Variants in GALNT10 observed in about 807,000 individuals in gnomAD.
GALNT10 encodes the protein polypeptide N-acetylgalactosaminyltransferase 10, also known as GalNAc transferase 10.
GALNT10 carries 41 observed loss-of-function variants against 75.0 expected under a neutral mutation model. The ratio of observed to expected loss-of-function variants is 0.55; its 90% CI spans 0.43 to 0.71. The LOEUF is 0.71. Ranked by LOEUF, GALNT10 falls within the 30% of genes least tolerant of loss-of-function variation. The pLI is 0.00. For synonymous variants in GALNT10, 302 were observed against 313.0 expected (o/e 0.96, Z 0.37); for missense variants, 727 against 818.5 (o/e 0.89, Z 1.36).
At chr5:154,393,106 AC>A in intron 7 of GALNT10, 1 of 147,104 alleles carries the variant, frequency 6.8e-6, no homozygotes, top group Middle Eastern at 3.7e-3. Flanking sequence ...AGGATCTCAC[AC>A]CGTTGCCCAG....
intron 6 of GALNT10, among the ~76,000 whole-genome samples, chr5:154,383,649 G>A (rs900101057): frequency 3.9e-5 from 6 of 152,084 alleles, no homozygotes; most frequent in East Asian, 1.9e-4. Context: ...TGCTTTGACC[G>A]AGGCTGATTT....
chr5:154,343,051 C>T (rs928600027), intron 4 of GALNT10, among the ~76,000 whole-genome samples: 8 of 151,738 alleles, frequency 5.3e-5, no homozygotes, highest in Non-Finnish European at 1.2e-4. Context: ...CAGAGGTTCT[C>T]AAATTTTGGT....
chr5:154,394,470 G>GTGA (rs1755976214), intron 7 of GALNT10, among the ~76,000 whole-genome samples: 1 of 152,120 alleles, frequency 6.6e-6, no homozygotes, highest in Admixed American at 6.5e-5. Context: ...GAGCGGTTAG[G>GTGA]TGACTGGGCA....
intron 1 of GALNT10, among the ~76,000 whole-genome samples, chr5:154,232,871 A>G (rs2113663511): frequency 6.6e-6 from 1 of 152,324 alleles, no homozygotes; most frequent in Non-Finnish European, 1.5e-5. Context: ...ATTTATAGAT[A>G]TGTTCTGGAT....
intron 4 of GALNT10, among the ~76,000 whole-genome samples, chr5:154,340,519 A>G (rs972384593): frequency 1.3e-5 from 2 of 152,198 alleles, no homozygotes; most frequent in Non-Finnish European, 2.9e-5. Context: ...ATACATCTCT[A>G]TATGTCTAAT....
Position 154,228,657 on chromosome 5 carries a change from T to A in GALNT10, c.159+37632T>A, listed in dbSNP as rs1753098349. The stretch of plus-strand genomic sequence containing the variant: ...TACTCTTTGCCAGAATTGGGGGGTT[T>A]ATTTCTCACTCACAGTAAGGATGGC... On this transcript the variant is annotated intron_variant, in intron 1 of 11. Coordinates refer to ENST00000297107, the MANE Select transcript of GALNT10 (RefSeq NM_198321.4). 1.3e-5 allele frequency among the ~76,000 whole-genome samples: 2 copies of A among 152,254 alleles called. 1 individual carries two copies. Among genetic ancestry groups the A allele is most frequent in the African/African-American group, 4.8e-5 (2 of 41,460 alleles).
intron 1 of GALNT10, among the ~76,000 whole-genome samples, chr5:154,262,142 A>G (rs1169373600): frequency 6.6e-6 from 1 of 152,190 alleles, no homozygotes; most frequent in African/African-American, 2.4e-5. Flanking sequence ...ATTAACTGAC[A>G]GTATCCTGCC....
chr5:154,249,901 A>AT (rs932449914), intron 1 of GALNT10, among the ~76,000 whole-genome samples: 211 of 151,850 alleles, frequency 1.4e-3, no homozygotes, highest in African/African-American at 5.0e-3. Flanking sequence ...ATATAAGGGA[A>AT]TTTTTTTTTC....
chr5:154,330,663 C>T (rs904922212), intron 4 of GALNT10, among the ~76,000 whole-genome samples: 11 of 152,170 alleles, frequency 7.2e-5, no homozygotes, highest in African/African-American at 2.2e-4. Context: ...GCCCTTCAGC[C>T]AGTGGCCTCA....
intron 3 of GALNT10, among the ~76,000 whole-genome samples, chr5:154,314,218 A>G (rs1468607521): frequency 1.3e-5 from 2 of 152,108 alleles, no homozygotes; most frequent in African/African-American, 4.8e-5. Context: ...AGTCTCAGGG[A>G]GGTTATGACT....
Position 154,215,947 on chromosome 5 carries a change from A to G in GALNT10, c.159+24922A>G, listed in dbSNP as rs138236470. On this transcript the variant is annotated intron_variant, in intron 1 of 11. Coordinates refer to ENST00000297107, the MANE Select transcript of GALNT10 (RefSeq NM_198321.4). ...GTGGTTTATCTAGCTTTAGGTATAT[A>G]AAGATTTATTTGAAAAGGTAGAGTT... Among the ~76,000 whole-genome samples, 733 of 152,256 alleles carry G rather than the reference A, an allele frequency of 4.8e-3. 12 individuals are homozygous for G. Among genetic ancestry groups the G allele is most frequent in the African/African-American group, 0.017 (707 of 41,530 alleles).
At chr5:154,392,849 A>G (rs1251366931) in intron 7 of GALNT10, 1 of 152,118 alleles carries the variant, frequency 6.6e-6, no homozygotes, top group Admixed American at 6.5e-5. Flanking sequence ...AATCCATTAC[A>G]TTTCAGAGCA....
intron 1 of GALNT10, among the ~76,000 whole-genome samples, chr5:154,281,472 T>C (rs944929669): frequency 2.6e-5 from 4 of 152,342 alleles, no homozygotes; most frequent in African/African-American, 9.6e-5. Flanking sequence ...GTTTTATAGA[T>C]AATCATGTCA....
At chr5:154,415,011 T>A (rs1756476515) in intron 10 of GALNT10, among the ~76,000 whole-genome samples, 1 of 152,094 alleles carries the variant, frequency 6.6e-6, no homozygotes, top group African/African-American at 2.4e-5. Flanking sequence ...TAATCCCAGC[T>A]ACTTGGGAAG....
At chr5:154,401,191 T>G (rs1441968026) in intron 7 of GALNT10, among the ~76,000 whole-genome samples, 1 of 152,090 alleles carries the variant, frequency 6.6e-6, no homozygotes, top group African/African-American at 2.4e-5. Flanking sequence ...AAGAGAAGGA[T>G]TTGGAAATTT....
intron 5 of GALNT10, among the ~76,000 whole-genome samples, chr5:154,379,832 C>T (rs1321106164): frequency 6.6e-6 from 1 of 152,208 alleles, no homozygotes; most frequent in Non-Finnish European, 1.5e-5. Flanking sequence ...GGAACTCAAA[C>T]TTCCTGGGGC....
intron 7 of GALNT10, among the ~76,000 whole-genome samples, chr5:154,399,785 C>T (rs547887083): frequency 1.3e-5 from 2 of 152,280 alleles, no homozygotes; most frequent in South Asian, 2.1e-4. Context: ...AGATGAGACT[C>T]CTGCCAACAC....
chr5:154,268,586 A>C (rs967452740), intron 1 of GALNT10, among the ~76,000 whole-genome samples: 1 of 152,248 alleles, frequency 6.6e-6, no homozygotes, highest in Admixed American at 6.5e-5. Context: ...AGATGGCAAA[A>C]GAATATTAAA....
rs373728097 is a variant in GALNT10, at chr5:154,413,989, CAGAT to C, written c.1503+986_1503+989del. On this transcript the variant is annotated intron_variant, in intron 10 of 11. Coordinates refer to ENST00000297107, the MANE Select transcript of GALNT10 (RefSeq NM_198321.4). Reference sequence around the variant, plus strand: ...ATAATTTTTTTAATTTTAAAGCGGGCAGATACTTTACCAAAAAAAATATATGAAT... The same window carrying C: ...ATAATTTTTTTAATTTTAAAGCGGGCACTTTACCAAAAAAAATATATGAAT... Among the ~76,000 whole-genome samples the C allele has an allele frequency of 5.4e-4, 82 of 152,012 alleles. No individual in the cohort carries two copies. In the East Asian group the frequency reaches 9.8e-3, roughly 18 times the overall value.
Sources: gnomAD v4.1 joint callset for allele counts (sites outside exome capture counted in the v4.1 genomes callset) on GRCh38, gnomAD v4.1.1 for gene constraint, MANE v1.5 for transcripts, NCBI Gene and HGNC (gene_info 2026-07-23, HGNC 2026-07-21) for gene names.